CTNNA3: variants seen among roughly 807,000 people sequenced by gnomAD.
The protein encoded by CTNNA3 is catenin alpha 3.
CTNNA3 carries 76 observed loss-of-function variants against 95.7 expected under a neutral mutation model. The ratio of observed to expected loss-of-function variants is 0.79; its 90% confidence interval spans 0.66 to 0.96. CTNNA3 has a LOEUF of 0.96. Ranked by LOEUF, CTNNA3 falls within the 40% of genes least tolerant of loss-of-function variation. The pLI is 0.00. For synonymous variants in CTNNA3, 431 were observed against 374.4 expected, an observed-to-expected ratio of 1.15 and a Z score of -1.74; for missense variants, 1,191 against 1,089.8, an observed-to-expected ratio of 1.09 and a Z score of -1.31.
At chr10:67,166,883 G>C (rs980324421) in intron 7 of CTNNA3, among the ~76,000 whole-genome samples, 4 of 152,176 alleles carry the variant, frequency 2.6e-5, no homozygotes, top group Admixed American at 2.0e-4. Context: ...GAGGCAGGTG[G>C]ATCATTTGAG....
chr10:67,134,039 G>T lies in CTNNA3; in HGVS notation c.1047+46278C>A, dbSNP rs535856778. 1.8e-4 allele frequency among the ~76,000 whole-genome samples: 27 copies of T among 152,158 alleles called. No individual in the cohort carries two copies. The South Asian group carries it at 5.4e-3, about 30-fold the overall frequency. ...AAGTATGAGTCAAGTTACATGATTTGCCCAATGTTACACAGTTAGTCAGTA... is the reference window on the plus strand; with the variant it reads ...AAGTATGAGTCAAGTTACATGATTTTCCCAATGTTACACAGTTAGTCAGTA... On this transcript the variant is annotated intron_variant, in intron 7 of 17. Coordinates refer to ENST00000433211, the MANE Select transcript of CTNNA3 (RefSeq NM_013266.4).
rs988833441 is a variant in CTNNA3, at chr10:67,244,051, T to G, written c.580-24181A>C. 8.5e-5 allele frequency among the ~76,000 whole-genome samples: 13 copies of G among 152,340 alleles called. No homozygotes were observed. The South Asian group carries it at 1.2e-3, about 15-fold the overall frequency. ...TTGAGGGTCACTGCCATAAAATAAT[T>G]TACTTTTCCATGAAATAAAAATTGC... On this transcript the variant is annotated intron_variant, in intron 5 of 17. Transcript: ENST00000433211.
chr10:66,372,323 G>A (rs1176985073), intron 12 of CTNNA3, among the ~76,000 whole-genome samples: 1 of 152,146 alleles, frequency 6.6e-6, no homozygotes, highest in Non-Finnish European at 1.5e-5. Flanking sequence ...GGGAAAGTAG[G>A]ATCAGAATGA....
At chr10:67,726,858 TTA>T (rs2133626602) in intron 1 of CTNNA3, among the ~76,000 whole-genome samples, 1 of 113,176 alleles carries the variant, frequency 8.8e-6, no homozygotes, top group African/African-American at 3.6e-5. Context: ...TAATTATACA[TTA>T]TATATAATTA....
At chr10:66,740,830 G>A (rs1217931540) in intron 9 of CTNNA3, among the ~76,000 whole-genome samples, 1 of 152,164 alleles carries the variant, frequency 6.6e-6, no homozygotes, top group Non-Finnish European at 1.5e-5. Context: ...GGATTTTGAA[G>A]CTGAAATATC....
rs190914304 is a variant in CTNNA3, at chr10:66,686,944, T to A, written c.1282-65160A>T. 5.1e-4 allele frequency among the ~76,000 whole-genome samples: 77 copies of A among 152,264 alleles called. 1 individual carries two copies. The South Asian group carries it at 0.016, about 32-fold the overall frequency. On this transcript the variant is annotated intron_variant, in intron 9 of 17. Transcript: ENST00000433211. ...TAATTAGTACCAACTGAATTAAAGA[T>A]AATTTTTTAAATTACAGAGTATTAT... is the stretch of plus-strand genomic sequence containing the variant.
At chr10:66,018,419 C>A (rs2079137581) in intron 15 of CTNNA3, among the ~76,000 whole-genome samples, 1 of 151,962 alleles carries the variant, frequency 6.6e-6, no homozygotes, top group East Asian at 1.9e-4. Flanking sequence ...TAAATTTTTT[C>A]TTAATATACA....
At chr10:65,966,370 T>C (rs777590410) in intron 17 of CTNNA3, among the ~76,000 whole-genome samples, 4 of 152,246 alleles carry the variant, frequency 2.6e-5, no homozygotes, top group Admixed American at 2.6e-4. Context: ...AATTGGCTTA[T>C]AAAACTTGAT....
intron 16 of CTNNA3, among the ~76,000 whole-genome samples, chr10:65,970,860 A>T (rs1011770564): frequency 1.3e-5 from 2 of 151,456 alleles, no homozygotes; most frequent in Admixed American, 1.3e-4. Context: ...ACACTGAAGC[A>T]TCTGAATTCA....
chr10:66,673,010 C>T (rs967500236), intron 9 of CTNNA3, among the ~76,000 whole-genome samples: 30 of 151,858 alleles, frequency 2.0e-4, no homozygotes, highest in Non-Finnish European at 3.2e-4. Context: ...GTTGCAAATC[C>T]AGATCTGGGC....
chr10:66,967,480 T>C lies in CTNNA3; in HGVS notation c.1048-191956A>G, dbSNP rs193124116. ...ATTAATCAATAATGGTCCCATCTGG[T>C]TAACTGCATTGGAAAATGACATCTT... On this transcript the variant is annotated intron_variant, in intron 7 of 17. Coordinates refer to ENST00000433211, the MANE Select transcript of CTNNA3 (RefSeq NM_013266.4). Among the ~76,000 whole-genome samples the C allele has an allele frequency of 3.0e-3, 450 of 151,994 alleles. 4 individuals are homozygous for C. Among genetic ancestry groups the C allele is most frequent in the African/African-American group, 0.01 (435 of 41,444 alleles).
chr10:66,306,760 T>C (rs1356410085), intron 12 of CTNNA3, among the ~76,000 whole-genome samples: 1 of 152,088 alleles, frequency 6.6e-6, no homozygotes, highest in African/African-American at 2.4e-5. Flanking sequence ...AGGATTATAG[T>C]GGAGTTAAGA....
intron 5 of CTNNA3, among the ~76,000 whole-genome samples, chr10:67,389,467 C>A (rs559626845): frequency 2.6e-5 from 4 of 152,016 alleles, no homozygotes; most frequent in Admixed American, 6.6e-5. Context: ...AAATGGGAGA[C>A]TTTAACACCC....
intron 6 of CTNNA3, among the ~76,000 whole-genome samples, chr10:67,206,933 C>A (rs1031308248): frequency 6.6e-6 from 1 of 152,044 alleles, no homozygotes; most frequent in Non-Finnish European, 1.5e-5. Context: ...GCGTTCGAGA[C>A]CAGCTAAGCC....
chr10:65,967,640 T>C (rs2078002301), intron 16 of CTNNA3, among the ~76,000 whole-genome samples: 1 of 152,208 alleles, frequency 6.6e-6, no homozygotes, highest in Non-Finnish European at 1.5e-5. Context: ...TTTTAGAATA[T>C]TAAATTTCCT....
chr10:67,096,140 T>C lies in CTNNA3; in HGVS notation c.1047+84177A>G, dbSNP rs960634798. 2.6e-5 allele frequency among the ~76,000 whole-genome samples: 4 copies of C among 151,942 alleles called. No homozygotes were observed. The South Asian group carries it at 8.3e-4, about 31-fold the overall frequency. On this transcript the variant is annotated intron_variant, in intron 7 of 17. Coordinates refer to ENST00000433211, the MANE Select transcript of CTNNA3 (RefSeq NM_013266.4). Reference sequence around the variant, plus strand: ...ATTTCTCTAAGAACTAAGCTATATATATTTTATATGCCGAAATATTCATAT... The same window carrying C: ...ATTTCTCTAAGAACTAAGCTATATACATTTTATATGCCGAAATATTCATAT...
intron 7 of CTNNA3, among the ~76,000 whole-genome samples, chr10:67,137,546 T>C (rs1860357933): frequency 6.6e-6 from 1 of 152,192 alleles, no homozygotes. Flanking sequence ...GTTTTAGTTT[T>C]GTAACAAATC....
intron 7 of CTNNA3, among the ~76,000 whole-genome samples, chr10:66,863,630 G>A (rs1844045884): frequency 6.6e-6 from 1 of 152,118 alleles, no homozygotes; most frequent in Admixed American, 6.6e-5. Flanking sequence ...TTCTGAGATG[G>A]GAATGGCTTG....
At chr10:66,322,175 G>A (rs2092197267) in intron 12 of CTNNA3, among the ~76,000 whole-genome samples, 1 of 152,116 alleles carries the variant, frequency 6.6e-6, no homozygotes, top group South Asian at 2.1e-4. Context: ...ACTTATATCT[G>A]TTTTTAAAAT....
Sources: gnomAD v4.1 joint callset for allele counts (sites outside exome capture counted in the v4.1 genomes callset) on GRCh38, gnomAD v4.1.1 for gene constraint, MANE v1.5 for transcripts, NCBI Gene and HGNC (gene_info 2026-07-23, HGNC 2026-07-21) for gene names.